Variants in RPH3A observed in about 807,000 individuals in gnomAD.
The protein encoded by RPH3A is rabphilin-3A.
RPH3A carries 48 observed loss-of-function variants against 102.2 expected under a neutral mutation model. That is an observed-to-expected ratio of 0.47 (90% CI 0.37 to 0.60). The LOEUF is 0.60. RPH3A is among the 20% of genes least tolerant of loss of function. The pLI is 0.00. For synonymous variants in RPH3A, 310 were observed against 324.3 expected (o/e 0.96, Z 0.47); for missense variants, 781 against 910.1 (o/e 0.86, Z 1.83).
intron 1 of RPH3A, among the ~76,000 whole-genome samples, chr12:112,755,616 C>T (rs1158342461): frequency 4.6e-5 from 7 of 152,094 alleles, no homozygotes; most frequent in Non-Finnish European, 1.0e-4. Flanking sequence ...GAAGAGCATG[C>T]CCTGGTTAAC....
intron 1 of RPH3A, among the ~76,000 whole-genome samples, chr12:112,731,749 C>G (rs184876283): frequency 1.3e-5 from 2 of 152,184 alleles, no homozygotes; most frequent in South Asian, 4.1e-4. Flanking sequence ...CTAATTAAAT[C>G]GTCTACAAAA....
intron 1 of RPH3A, among the ~76,000 whole-genome samples, chr12:112,610,961 T>C (rs899277596): frequency 2.6e-5 from 4 of 152,226 alleles, no homozygotes; most frequent in African/African-American, 9.6e-5. Flanking sequence ...ATGCATTTAC[T>C]TTCTTAGTTA....
At chr12:112,815,999 A>G (rs897963181) in intron 2 of RPH3A, among the ~76,000 whole-genome samples, 1 of 152,206 alleles carries the variant, frequency 6.6e-6, no homozygotes, top group Non-Finnish European at 1.5e-5. Flanking sequence ...GGTTTTGTAG[A>G]CACAGGGCTC....
chr12:112,622,955 A>G (rs1183803091), intron 1 of RPH3A, among the ~76,000 whole-genome samples: 2 of 116,642 alleles, frequency 1.7e-5, no homozygotes, highest in Admixed American at 9.3e-5. Context: ...ATCCAGCCAA[A>G]CTAAGCTTCA....
intron 1 of RPH3A, among the ~76,000 whole-genome samples, chr12:112,648,738 C>T (rs147894904): frequency 6.5e-4 from 61 of 93,910 alleles, no homozygotes; most frequent in African/African-American, 2.3e-3. Context: ...GAGCAAGACA[C>T]GGTCTCAAAA....
intron 16 of RPH3A, 93 bp from the exon 17 acceptor site, chr12:112,887,704 A>G (rs914571571): frequency 1.0e-4 from 136 of 1,342,784 alleles, no homozygotes; most frequent in Non-Finnish European, 1.3e-4. Context: ...TACATTACAC[A>G]TTCCTTACCA....
intron 1 of RPH3A, among the ~76,000 whole-genome samples, chr12:112,726,011 G>A (rs984755247): frequency 1.3e-5 from 2 of 152,234 alleles, no homozygotes; most frequent in South Asian, 2.1e-4. Flanking sequence ...AAGCCAGGAT[G>A]GTCTCGATCT....
In RPH3A at chr12:112,813,461, T is replaced by C. The variant is rs961328271; in HGVS notation, c.-18-14840T>C. The C allele has an allele frequency of 3.3e-5, 5 of 152,194 alleles. No individual in the cohort carries two copies. The East Asian group carries it at 7.7e-4, about 23-fold the overall frequency. 9.4% of individuals were successfully genotyped at this position (152,194 alleles called of 1,614,324 possible). ...AATAGATAGAGGCAGGCCTTGAAGA[T>C]TTATTGTTCATGAGAACTAAGAGAA... On this transcript the variant is annotated intron_variant, in intron 2 of 21. Transcript: ENST00000389385.
chr12:112,759,541 A>G (rs1335164131), intron 1 of RPH3A, among the ~76,000 whole-genome samples: 3 of 152,162 alleles, frequency 2.0e-5, no homozygotes, highest in Admixed American at 1.3e-4. Context: ...GACTTGCCCA[A>G]GGTTGCACAG....
At chr12:112,725,435 C>A (rs944809271) in intron 1 of RPH3A, among the ~76,000 whole-genome samples, 1 of 152,038 alleles carries the variant, frequency 6.6e-6, no homozygotes, top group Non-Finnish European at 1.5e-5. Context: ...GGGAAAAAGG[C>A]CCCCATCAGC....
chr12:112,842,602 T>C (rs1343465171), intron 4 of RPH3A, among the ~76,000 whole-genome samples: 2 of 152,174 alleles, frequency 1.3e-5, no homozygotes, highest in Admixed American at 6.5e-5. Context: ...CAGGTCTGCT[T>C]AGGTTGAAGG....
intron 14 of RPH3A, among the ~76,000 whole-genome samples, chr12:112,880,215 A>T (rs939684088): frequency 1.3e-5 from 2 of 152,204 alleles, no homozygotes; most frequent in Non-Finnish European, 1.5e-5. Context: ...TTTATTGGAC[A>T]TCTATTATGT....
At chr12:112,621,799 AATGT>A (rs1207475181) in intron 1 of RPH3A, among the ~76,000 whole-genome samples, 1 of 151,766 alleles carries the variant, frequency 6.6e-6, no homozygotes, top group Non-Finnish European at 1.5e-5. Context: ...TGCAGACTTA[AATGT>A]CCCTGTCTGA....
At chr12:112,688,493 C>T (rs528751645) in intron 1 of RPH3A, among the ~76,000 whole-genome samples, 10 of 152,154 alleles carry the variant, frequency 6.6e-5, no homozygotes, top group Non-Finnish European at 1.5e-4. Context: ...AATATTCCAT[C>T]ATGTTCTTGT....
At chr12:112,580,392 G>GTTTT (rs1397792493) in intron 1 of RPH3A, among the ~76,000 whole-genome samples, 4 of 101,564 alleles carry the variant, frequency 3.9e-5, no homozygotes, top group Admixed American at 1.1e-4. Flanking sequence ...CTTTTGTCTT[G>GTTTT]TCTTTTTTTT....
chr12:112,687,984 G>T (rs769347571), intron 1 of RPH3A, among the ~76,000 whole-genome samples: 1 of 152,122 alleles, frequency 6.6e-6, no homozygotes, highest in Non-Finnish European at 1.5e-5. Context: ...AGGCCCAAAA[G>T]GACAGCTCAC....
intron 1 of RPH3A, among the ~76,000 whole-genome samples, chr12:112,649,242 G>A (rs769146276): frequency 1.1e-4 from 17 of 152,238 alleles, no homozygotes; most frequent in Non-Finnish European, 2.1e-4. Flanking sequence ...GGAAAAGTTC[G>A]TGTCCATTCA....
chr12:112,761,715 T>A (rs1354854938), intron 1 of RPH3A, among the ~76,000 whole-genome samples: 4 of 152,242 alleles, frequency 2.6e-5, no homozygotes, highest in Non-Finnish European at 5.9e-5. Flanking sequence ...CACCCGCTGA[T>A]GGACAAAAGT....
At chr12:112,712,986 CGTCTTT>C (rs1214512249) in intron 1 of RPH3A, among the ~76,000 whole-genome samples, 2 of 87,212 alleles carry the variant, frequency 2.3e-5, no homozygotes, top group African/African-American at 4.0e-5. Context: ...TCTTCTTCGT[CGTCTTT>C]GTCTTCCTCT....
Sources: gnomAD v4.1 joint callset for allele counts (sites outside exome capture counted in the v4.1 genomes callset) on GRCh38, gnomAD v4.1.1 for gene constraint, MANE v1.5 for transcripts, NCBI Gene and HGNC (gene_info 2026-07-23, HGNC 2026-07-21) for gene names.